Variants in PCNA observed in about 807,000 individuals in gnomAD.
PCNA encodes proliferating cell nuclear antigen, also known as DNA sliding clamp PCNA.
A neutral mutation model predicts 27.8 loss-of-function variants in PCNA; 4 were observed. That is an observed-to-expected ratio of 0.14 (90% CI 0.07 to 0.33). The LOEUF is 0.33. Ranked by LOEUF, PCNA falls within the 10% of genes least tolerant of loss-of-function variation. PCNA has a pLI of 1.00. For missense variants in PCNA, 165 were observed against 327.4 expected, an observed-to-expected ratio of 0.50 and a Z score of 3.83; for synonymous variants, 121 against 119.4, an observed-to-expected ratio of 1.01 and a Z score of -0.09.
At chr20:5,116,662 T>G (rs1419040866) in intron 4 of PCNA, among the ~76,000 whole-genome samples, 1 of 152,176 alleles carries the variant, frequency 6.6e-6, no homozygotes, top group Non-Finnish European at 1.5e-5. Context: ...GAGTTTTTTT[T>G]GTTTGTTTAA....
chr20:5,118,483 A>G (rs985430775), intron 3 of PCNA, 127 bp downstream of exon 3: 4 of 663,852 alleles, frequency 6.0e-6, no homozygotes, highest in African/African-American at 5.4e-5. Flanking sequence ...AGAGAGCTAT[A>G]TGGCACTACT....
intron 3 of PCNA, 102 bp downstream of exon 3, chr20:5,118,508 G>A (rs2090491978): frequency 2.4e-6 from 2 of 841,970 alleles, no homozygotes; most frequent in Non-Finnish European, 3.8e-6. Flanking sequence ...TCCAGCCTGG[G>A]CAACAGAGCC....
chr20:5,118,035 T>G (rs930527056), intron 3 of PCNA, among the ~76,000 whole-genome samples: 2 of 152,252 alleles, frequency 1.3e-5, no homozygotes, highest in African/African-American at 4.8e-5. Context: ...AAACCTAACC[T>G]GGATAAATTT....
chr20:5,123,832 C>T (rs188859327), upstream of PCNA, among the ~76,000 whole-genome samples: 210 of 151,700 alleles, frequency 1.4e-3, no homozygotes, highest in Non-Finnish European at 2.3e-3. Context: ...GGCTTCCAAA[C>T]ATAAGAAAAA....
At chr20:5,123,309 A>T (rs1350290692), upstream of PCNA, among the ~76,000 whole-genome samples, 3 of 152,346 alleles carry the variant, frequency 2.0e-5, no homozygotes, top group East Asian at 5.8e-4. Context: ...CTACTCTAAC[A>T]TCTAGTAAAG....
upstream of PCNA, among the ~76,000 whole-genome samples, chr20:5,123,907 A>G (rs181238369): frequency 1.4e-4 from 22 of 152,322 alleles, no homozygotes; most frequent in Non-Finnish European, 2.2e-4. Flanking sequence ...AAAGGATTAT[A>G]TTGGTTAGTA....
chr20:5,120,214 C>T (rs970082256), upstream of PCNA, among the ~76,000 whole-genome samples: 3 of 152,248 alleles, frequency 2.0e-5, no homozygotes, highest in Non-Finnish European at 4.4e-5. Flanking sequence ...GTCCCGGTCC[C>T]GGCTCGTCAA....
Position 5,115,147 on chromosome 20 carries a change from G to A in PCNA, c.*136C>T. 2 of 610,222 alleles carry A rather than the reference G, an allele frequency of 3.3e-6. No individual in the cohort carries two copies. Among genetic ancestry groups the A allele is most frequent in the Non-Finnish European group, 2.9e-6 (1 of 348,734 alleles). The allele number at this position is 610,222 out of a possible 1,614,324, so 37.8% of individuals were successfully genotyped here. ...TTGCAGAGAATAGAGAAAAAAATAG[G>A]TTATTTACAGAAAACAATATCTACA... On this transcript the variant is annotated 3_prime_UTR_variant, in exon 6 of 6. Transcript: ENST00000379143.
At position 5,115,526 on chromosome 20, in the gene PCNA, C is replaced by T; in HGVS notation, c.629G>A (p.Arg210Lys). 6.2e-7 allele frequency: 1 copy of T among 1,613,882 alleles called. No homozygotes were observed. The highest frequency in any genetic ancestry group is 8.5e-7 in the Non-Finnish European group (1 of 1,179,814). The change falls in exon 5 of 6, where the codon AGG becomes AAG. Residue 210 changes from arginine (R) to lysine (K), a missense_variant. Arg to Lys is a conservative substitution (Grantham distance 26). Transcript: ENST00000379143. ...GGCTTTTGTAAAGAAGTTCAGGTAC[C>T]TCAGTGCAAAAGTTAGTTGAACTGG... The part of the protein sequence containing the change: ...NEPVQLTFAL[R>K]YLNFFTKATP...
upstream of PCNA, among the ~76,000 whole-genome samples, chr20:5,121,914 T>A (rs1277416538): frequency 1.3e-5 from 2 of 151,766 alleles, no homozygotes; most frequent in Non-Finnish European, 2.9e-5. Flanking sequence ...CATGAGCCAC[T>A]GTGCCCAGCC....
At chr20:5,122,490 A>T (rs117428147), upstream of PCNA, among the ~76,000 whole-genome samples, 107 of 152,244 alleles carry the variant, frequency 7.0e-4, no homozygotes, top group East Asian at 0.02. Context: ...CAATAGTGCT[A>T]TTCTATTGTC....
chr20:5,119,393 G>A (rs1473341952), intron 1 of PCNA, among the ~76,000 whole-genome samples, 185 bp downstream of exon 1: 2 of 152,268 alleles, frequency 1.3e-5, no homozygotes, highest in Non-Finnish European at 2.9e-5. Context: ...GCAGGTTCGC[G>A]CAGCAGCCAG....
Position 5,119,808 on chromosome 20 carries a change from G to A in PCNA, c.-10C>T. 1 of 1,555,594 alleles carries A rather than the reference G, an allele frequency of 6.4e-7. No individual in the cohort carries two copies. Among genetic ancestry groups the A allele is most frequent in the Non-Finnish European group, 8.7e-7 (1 of 1,149,106 alleles). ...GGCGCGCCTCGAACATGGTGGCGGA[G>A]TGGCAACAACGCCGCTACAGGCAGG... On this transcript the variant is annotated 5_prime_UTR_variant, in exon 1 of 6. Coordinates refer to ENST00000379143, the MANE Select transcript of PCNA (RefSeq NM_182649.2).
chr20:5,119,107 A>C (rs916261488), intron 1 of PCNA, among the ~76,000 whole-genome samples: 3 of 152,084 alleles, frequency 2.0e-5, no homozygotes, highest in Admixed American at 2.0e-4. Context: ...CCTGCCACTA[A>C]GTAGGATGAC....
chr20:5,118,292 C>A (rs929088670), intron 3 of PCNA, among the ~76,000 whole-genome samples: 6 of 152,162 alleles, frequency 3.9e-5, no homozygotes, highest in Non-Finnish European at 8.8e-5. Context: ...ATTAACATAT[C>A]TTGACGGAGG....
At position 5,119,707 on chromosome 20, in the gene PCNA, C is replaced by G; in HGVS notation, c.92G>C (p.Ser31Thr). Residue 31 changes from serine (S) to threonine (T), a missense_variant, in exon 1 of 6, where the codon AGC becomes ACC. Physicochemically the swap from Ser to Thr is moderately conservative, Grantham distance 58. Transcript: ENST00000379143. The part of the protein sequence containing the change: ...DLINEACWDI[S>T]SSGVNLQSMD... ...GCTCTGCAGGTTTACACCGCTGGAGCTAATATCCCAGCAGGCCTCGTTGAT... is the reference window on the plus strand; with the variant it reads ...GCTCTGCAGGTTTACACCGCTGGAGGTAATATCCCAGCAGGCCTCGTTGAT... 1 of 1,606,152 alleles carries G rather than the reference C, an allele frequency of 6.2e-7. No individual in the cohort carries two copies. The highest frequency in any genetic ancestry group is 1.3e-5 in the African/African-American group (1 of 74,942).
intron 1 of PCNA, among the ~76,000 whole-genome samples, chr20:5,125,823 C>T (rs2090544018): frequency 6.6e-6 from 1 of 152,136 alleles, no homozygotes; most frequent in Non-Finnish European, 1.5e-5. Flanking sequence ...GTTTTAAATC[C>T]ATCCAACAAG....
chr20:5,115,901 T>C (rs2090471448), intron 4 of PCNA, among the ~76,000 whole-genome samples: 1 of 152,188 alleles, frequency 6.6e-6, no homozygotes, highest in Admixed American at 6.5e-5. Flanking sequence ...ATGACTATTA[T>C]AGCTGCTAAC....
At chr20:5,115,838 C>T (rs562005819) in intron 4 of PCNA, among the ~76,000 whole-genome samples, 4 of 152,092 alleles carry the variant, frequency 2.6e-5, no homozygotes, top group Non-Finnish European at 5.9e-5. Context: ...GTGAATAAAA[C>T]GTATTAATTT....
Sources: gnomAD v4.1 joint callset for allele counts (sites outside exome capture counted in the v4.1 genomes callset) on GRCh38, gnomAD v4.1.1 for gene constraint, MANE v1.5 for transcripts, NCBI Gene and HGNC (gene_info 2026-07-23, HGNC 2026-07-21) for gene names.